Variants in ANKRD55 observed in about 807,000 individuals in gnomAD.
ANKRD55 encodes the protein ankyrin repeat domain-containing protein 55.
ANKRD55 carries 41 observed loss-of-function variants against 60.6 expected under a neutral mutation model. The ratio of observed to expected loss-of-function variants is 0.68; its 90% CI spans 0.53 to 0.88. The LOEUF is 0.88. Among genes scored for constraint, ANKRD55 ranks in the 40% least tolerant of loss-of-function variants. The probability of loss-of-function intolerance (pLI) is 0.00; values close to 1 mark genes in which losing one functional copy is unlikely to be tolerated. For missense variants in ANKRD55, 732 were observed against 767.6 expected (o/e 0.95, Z 0.55); for synonymous variants, 264 against 290.3 (o/e 0.91, Z 0.92).
chr5:56,216,021 T>C (rs778165907), intron 2 of ANKRD55, among the ~76,000 whole-genome samples: 5 of 130,924 alleles, frequency 3.8e-5, no homozygotes, highest in Non-Finnish European at 7.8e-5. Context: ...CATAGCTCTT[T>C]GCTAGTTAAA....
chr5:56,121,493 C>T (rs1276013972), intron 8 of ANKRD55, among the ~76,000 whole-genome samples: 1 of 151,624 alleles, frequency 6.6e-6, no homozygotes, highest in African/African-American at 2.4e-5. Flanking sequence ...CTGCCTCAGC[C>T]TCCCGAGTAG....
intron 2 of ANKRD55, among the ~76,000 whole-genome samples, chr5:56,225,745 G>T (rs1445868535): frequency 6.6e-6 from 1 of 152,146 alleles, no homozygotes; most frequent in Non-Finnish European, 1.5e-5. Flanking sequence ...TTGCTTCAAA[G>T]AGAATAAAAT....
At chr5:56,210,917 G>A (rs1759655221) in intron 2 of ANKRD55, among the ~76,000 whole-genome samples, 1 of 151,956 alleles carries the variant, frequency 6.6e-6, no homozygotes, top group Non-Finnish European at 1.5e-5. Context: ...TTGCTTAATT[G>A]TAATGGCAAC....
chr5:56,116,821 A>G, intron 8 of ANKRD55, 39 bp from the exon 9 acceptor site: 1 of 1,522,926 alleles, frequency 6.6e-7, no homozygotes, highest in Admixed American at 2.2e-5. Context: ...GCGTCTGAGC[A>G]TGTGAATTGT....
intron 7 of ANKRD55, chr5:56,127,537 A>G (rs2111722701): frequency 1.0e-6 from 1 of 984,990 alleles, no homozygotes; most frequent in East Asian, 1.1e-4. Flanking sequence ...TAAAGAAGTG[A>G]CTATGATGAG....
At chr5:56,177,106 T>A (rs943185424) in intron 3 of ANKRD55, among the ~76,000 whole-genome samples, 1 of 152,200 alleles carries the variant, frequency 6.6e-6, no homozygotes, top group Admixed American at 6.5e-5. Context: ...TTCAGAGTTG[T>A]GGCTGAGTCT....
intron 2 of ANKRD55, among the ~76,000 whole-genome samples, chr5:56,202,133 G>A (rs1412417498): frequency 2.0e-5 from 3 of 152,142 alleles, no homozygotes; most frequent in African/African-American, 4.8e-5. Context: ...AACACACACT[G>A]GAGCCTGTCA....
At chr5:56,204,233 T>C (rs528990888) in intron 2 of ANKRD55, among the ~76,000 whole-genome samples, 78 of 152,366 alleles carry the variant, frequency 5.1e-4, no homozygotes, top group African/African-American at 1.6e-3. Context: ...TAGCCCTTTG[T>C]CAGATGAGTA....
Position 56,127,074 on chromosome 5 carries a change from C to G in ANKRD55, c.645G>C (p.Leu215=), listed in dbSNP as rs777177240. ...SGNRILCSII[L]SHHQGPSIIN... ...TTATGGACGGCCCCTGGTGATGGCT[C>G]AGAATGATGGAGCACAGAATCCTAT... Residue 215 remains leucine (L), a synonymous_variant, in exon 8 of 12, where the codon CTG becomes CTC. Transcript: ENST00000341048. 1.1e-5 allele frequency: 18 copies of G among 1,612,796 alleles called. No individual in the cohort carries two copies. The South Asian group carries it at 1.8e-4, about 16-fold the overall frequency.
chr5:56,163,816 G>A (rs1001899566), intron 5 of ANKRD55, among the ~76,000 whole-genome samples: 3 of 152,162 alleles, frequency 2.0e-5, no homozygotes, highest in African/African-American at 7.2e-5. Flanking sequence ...GGCCAGGTGC[G>A]CTGGCTCACG....
At position 56,213,681 on chromosome 5, in the gene ANKRD55, C is replaced by T. The variant is rs115804247; in HGVS notation, c.58+19175G>A. Among the ~76,000 whole-genome samples the T allele has an allele frequency of 7.7e-3, 1,165 of 152,242 alleles. 12 individuals carry two copies. Among genetic ancestry groups the T allele is most frequent in the African/African-American group, 0.027 (1,105 of 41,526 alleles). On this transcript the variant is annotated intron_variant, in intron 2 of 11. Transcript: ENST00000341048. The stretch of plus-strand genomic sequence containing the variant: ...GACTAGCATGGCAGATGGAAGTAAA[C>T]AGATAGGCTGGCTTACGAGCAAAGG...
At chr5:56,186,132 C>A (rs563172826) in intron 2 of ANKRD55, among the ~76,000 whole-genome samples, 1 of 151,882 alleles carries the variant, frequency 6.6e-6, no homozygotes, top group Non-Finnish European at 1.5e-5. Flanking sequence ...GGATTTGGAC[C>A]GTCCCCTCTC....
intron 2 of ANKRD55, among the ~76,000 whole-genome samples, chr5:56,196,463 A>C (rs1157807386): frequency 6.6e-6 from 1 of 152,182 alleles, no homozygotes; most frequent in Non-Finnish European, 1.5e-5. Flanking sequence ...TCTGTGTATA[A>C]TAGTGTTAAT....
intron 2 of ANKRD55, among the ~76,000 whole-genome samples, chr5:56,219,920 GA>G (rs1284102803): frequency 2.6e-5 from 4 of 152,198 alleles, no homozygotes; most frequent in African/African-American, 9.6e-5. Context: ...GTATCAAAGG[GA>G]AAATCCATGA....
At chr5:56,135,356 T>TTTCTTTCTTTC (rs1156462311) in intron 7 of ANKRD55, among the ~76,000 whole-genome samples, 3,764 of 53,462 alleles carry the variant, frequency 0.07, 460 homozygotes, top group South Asian at 0.093. Context: ...TCTTTCTTTC[T>TTTCTTTCTTTC]TTCTTTCTTT....
chr5:56,131,795 C>CAA (rs34898025), intron 7 of ANKRD55, among the ~76,000 whole-genome samples: 1,549 of 26,788 alleles, frequency 0.058, 463 homozygotes, highest in Non-Finnish European at 0.075. Flanking sequence ...GACTCCGTCT[C>CAA]AAAAAAAAAA....
chr5:56,156,080 C>T (rs1351485546), intron 6 of ANKRD55, among the ~76,000 whole-genome samples: 1 of 152,168 alleles, frequency 6.6e-6, no homozygotes, highest in Admixed American at 6.5e-5. Context: ...ACTCTGGTCA[C>T]TCTGCCCATG....
At chr5:56,190,545 T>A (rs924533093) in intron 2 of ANKRD55, among the ~76,000 whole-genome samples, 3 of 152,226 alleles carry the variant, frequency 2.0e-5, no homozygotes, top group Non-Finnish European at 4.4e-5. Context: ...TCCACATGGC[T>A]ATCCTGTTTT....
intron 7 of ANKRD55, among the ~76,000 whole-genome samples, chr5:56,128,624 A>G (rs1340619562): frequency 6.6e-6 from 1 of 152,234 alleles, no homozygotes; most frequent in African/African-American, 2.4e-5. Flanking sequence ...AGATCCTCCC[A>G]GGAAGAATGG....
Sources: allele counts gnomAD v4.1 joint callset (sites outside exome capture counted in the v4.1 genomes callset), GRCh38; gene constraint gnomAD v4.1.1; transcripts MANE v1.5; gene names NCBI Gene and HGNC (gene_info 2026-07-23, HGNC 2026-07-21).